The following IGSF5 variants were observed in gnomAD, a reference collection of about 807,000 sequenced individuals.
The protein encoded by IGSF5 is immunoglobulin superfamily member 5.
A neutral mutation model predicts 39.4 loss-of-function variants in IGSF5; 41 were observed. That is an observed-to-expected ratio of 1.04 (90% CI 0.81 to 1.35). The LOEUF (loss-of-function observed/expected upper bound fraction) is 1.35. IGSF5 is among the 40% of genes most tolerant of loss of function. IGSF5 has a pLI of 0.00. For synonymous variants in IGSF5, 183 were observed against 175.3 expected (o/e 1.04, Z -0.34); for missense variants, 487 against 494.6 (o/e 0.98, Z 0.15).
At chr21:39,738,915 T>A in the IGSF5 span, among the ~76,000 whole-genome samples, 5 of 151,776 alleles carry the variant, frequency 3.3e-5, no homozygotes, top group Non-Finnish European at 7.4e-5. The surrounding 1 kb of genome is among the most constrained non-coding windows in gnomAD (Gnocchi z 6.4). Context: ...TGAGACAGGA[T>A]CTCACTCTTC....
chr21:39,720,724 G>A, the IGSF5 span, among the ~76,000 whole-genome samples: 2 of 152,172 alleles, frequency 1.3e-5, no homozygotes, highest in Non-Finnish European at 2.9e-5. Context: ...ATAAAGTATG[G>A]ACTTTGGTTA....
At chr21:39,749,082 G>GGAA (rs1188599780) in intron 2 of IGSF5, among the ~76,000 whole-genome samples, 2 of 152,148 alleles carry the variant, frequency 1.3e-5, no homozygotes, top group African/African-American at 4.8e-5. Context: ...AGCCAACAAA[G>GGAA]GAAGTAGCTG....
rs1405537258 is a variant in IGSF5, at chr21:39,745,515, T to A, written c.6T>A (p.Gly2=). Reference sequence around the variant, plus strand: ...GTGTTCGGGACCCAGGAGGTATGGGTCAGAAGGAAAGGTAAGGGCGCATGC... The same window carrying A: ...GTGTTCGGGACCCAGGAGGTATGGGACAGAAGGAAAGGTAAGGGCGCATGC... The part of the protein sequence containing the change: M[G]QKERSTADTL... Residue 2 remains glycine, a synonymous_variant, in exon 1 of 9, where the codon GGT becomes GGA. Transcript: ENST00000380588. The A allele has an allele frequency of 4.2e-6, 3 of 716,792 alleles. No individual in the cohort carries two copies. In the South Asian group the frequency reaches 4.4e-5, roughly 11 times the overall value. The allele number at this position is 716,792 out of a possible 1,614,324, so 44.4% of individuals were successfully genotyped here. A position where few individuals can be genotyped will look rare whatever the true frequency, so the allele number is the denominator to read the frequency against.
the IGSF5 span, chr21:39,728,010 C>T: frequency 0.29 from 44,577 of 151,962 alleles, 6,726 homozygotes; most frequent in Middle Eastern, 0.4. Context: ...AAGGCTCATA[C>T]CTCCTGTTTT....
chr21:39,793,643 A>G (rs1375887236), intron 8 of IGSF5, 30 bp downstream of exon 8: 5 of 1,572,922 alleles, frequency 3.2e-6, no homozygotes, highest in Non-Finnish European at 4.4e-6. Context: ...CCCTTTTTGG[A>G]CTTTTTTGGC....
intron 4 of IGSF5, among the ~76,000 whole-genome samples, chr21:39,777,010 C>T (rs972705518): frequency 6.6e-6 from 1 of 152,208 alleles, no homozygotes; most frequent in African/African-American, 2.4e-5. Flanking sequence ...TTCACACACA[C>T]CCCTGAACAG....
At chr21:39,734,271 A>C in the IGSF5 span, among the ~76,000 whole-genome samples, 1 of 151,892 alleles carries the variant, frequency 6.6e-6, no homozygotes, top group African/African-American at 2.4e-5. Flanking sequence ...GAAAATACAA[A>C]AATTAGCTAG....
Position 39,770,998 on chromosome 21 carries a change from C to A in IGSF5, c.501C>A (p.His167Gln). ...GTGAAGTTACTTGTCTACCCTCACA[C>A]TGGACCCGGCTCCCGGATATTTCCT... ...EPCEVTCLPS[H>Q]WTRLPDISWE... Residue 167 changes from histidine (H) to glutamine (Q), a missense_variant, in exon 4 of 9, where the codon CAC (histidine) becomes CAA (glutamine). Coordinates refer to ENST00000380588, the MANE Select transcript of IGSF5 (RefSeq NM_001080444.2). The A allele has an allele frequency of 1.2e-6, 2 of 1,613,664 alleles. No homozygotes were observed. The highest frequency in any genetic ancestry group is 1.7e-6 in the Non-Finnish European group (2 of 1,179,818).
At chr21:39,798,924 A>G (rs1273379740) in intron 8 of IGSF5, among the ~76,000 whole-genome samples, 1 of 152,182 alleles carries the variant, frequency 6.6e-6, no homozygotes, top group Non-Finnish European at 1.5e-5. Flanking sequence ...AAGTGGGGGC[A>G]TGTCTCAGGA....
intron 8 of IGSF5, among the ~76,000 whole-genome samples, chr21:39,799,756 G>C (rs1207925212): frequency 1.3e-5 from 2 of 151,946 alleles, no homozygotes; most frequent in Non-Finnish European, 2.9e-5. Context: ...CATCCTACCA[G>C]GGACACTCTT....
chr21:39,790,220 C>T (rs2086955572), intron 6 of IGSF5, among the ~76,000 whole-genome samples: 1 of 152,216 alleles, frequency 6.6e-6, no homozygotes, highest in African/African-American at 2.4e-5. Flanking sequence ...TTGAGCCTCT[C>T]ACTGTGAGAC....
Position 39,748,058 on chromosome 21 carries a change from C to T in IGSF5, c.100+1760C>T, listed in dbSNP as rs369003230. Among the ~76,000 whole-genome samples the T allele has an allele frequency of 6.6e-5, 10 of 151,998 alleles. No individual in the cohort carries two copies. In the East Asian group the frequency reaches 1.9e-3, roughly 29 times the overall value. On this transcript the variant is annotated intron_variant, in intron 2 of 8. Coordinates refer to ENST00000380588, the MANE Select transcript of IGSF5 (RefSeq NM_001080444.2). ...CCAGATTTTCAGATATGGCCATTTT[C>T]TGTGGAGGGAGAAACACTACTCTCT...
At position 39,801,604 on chromosome 21, in the gene IGSF5, G is replaced by T; in HGVS notation, c.*247G>T. ...AATTCCATGAAGTTACTAAGTAAAA[G>T]CTGCAAATTCATCATAATTTTTCTC... On this transcript the variant is annotated 3_prime_UTR_variant, in exon 9 of 9. Transcript: ENST00000380588. 1 of 363,316 alleles carries T rather than the reference G, an allele frequency of 2.8e-6. No homozygotes were observed. 22.5% of individuals were successfully genotyped at this position (363,316 alleles called of 1,614,324 possible).
rs1340444363 is a variant in IGSF5, at chr21:39,788,184, C to A, written c.952C>A (p.Gln318Lys). 3.1e-6 allele frequency: 5 copies of A among 1,588,754 alleles called. No homozygotes were observed. The highest frequency in any genetic ancestry group is 3.4e-5 in the Admixed American group (2 of 58,654). ...TTTTGCAGGATTTCGTATTCAATTT[C>A]AAAAGTAAGTTTGAAACCACATCTA... ...RRKRGFRIQF[Q>K]KKSEKEKTNK... Residue 318 changes from glutamine to lysine, a missense_variant, in exon 6 of 9, where the codon CAA becomes AAA. Physicochemically the swap from Gln to Lys is moderately conservative, Grantham distance 53 (BLOSUM62 1). Coordinates refer to ENST00000380588, the MANE Select transcript of IGSF5 (RefSeq NM_001080444.2).
chr21:39,784,185 T>C (rs1041945763), intron 5 of IGSF5, among the ~76,000 whole-genome samples: 1 of 152,240 alleles, frequency 6.6e-6, no homozygotes, highest in Non-Finnish European at 1.5e-5. Flanking sequence ...CTGGGAATTA[T>C]TCCATATGCC....
At chr21:39,789,697 TA>T (rs2086950122) in intron 6 of IGSF5, among the ~76,000 whole-genome samples, 1 of 152,174 alleles carries the variant, frequency 6.6e-6, no homozygotes, top group African/African-American at 2.4e-5. Context: ...AGAAATAGTT[TA>T]AAAAAATCAC....
chr21:39,751,944 C>T (rs528287443), intron 2 of IGSF5, among the ~76,000 whole-genome samples: 5 of 152,120 alleles, frequency 3.3e-5, no homozygotes, highest in African/African-American at 4.8e-5. Context: ...TTTATTGAGC[C>T]GTGGCGGTGT....
upstream of IGSF5, among the ~76,000 whole-genome samples, chr21:39,743,617 T>C (rs968074920): frequency 1.3e-4 from 12 of 92,234 alleles, no homozygotes; most frequent in African/African-American, 3.5e-4. Context: ...TTCTTATTAG[T>C]TGGGGAAGGA....
Position 39,782,154 on chromosome 21 carries a change from C to T in IGSF5, c.934+2849C>T, listed in dbSNP as rs572330262. The stretch of plus-strand genomic sequence containing the variant: ...CACTGATTTCCATATGCACTTAGGT[C>T]TCTTTCTGGGCTCTCTATTCTGTTC... On this transcript the variant is annotated intron_variant, in intron 5 of 8. Coordinates refer to ENST00000380588, the MANE Select transcript of IGSF5 (RefSeq NM_001080444.2). Among the ~76,000 whole-genome samples, 6 of 152,252 alleles carry T rather than the reference C, an allele frequency of 3.9e-5. No homozygotes were observed. In the South Asian group the frequency reaches 6.2e-4, roughly 16 times the overall value.
Sources: gnomAD v4.1 joint callset for allele counts (sites outside exome capture counted in the v4.1 genomes callset) on GRCh38, gnomAD v4.1.1 for gene constraint, Gnocchi (gnomAD v3.1) non-coding constraint, MANE v1.5 for transcripts, NCBI Gene and HGNC (gene_info 2026-07-23, HGNC 2026-07-21) for gene names.